The following ERG variants were observed in gnomAD, a reference collection of about 807,000 sequenced individuals.
ERG encodes the protein transcriptional regulator ERG.
A neutral mutation model predicts 55.3 loss-of-function variants in ERG; 9 were observed. That is an observed-to-expected ratio of 0.16 (90% CI 0.10 to 0.28). The LOEUF (loss-of-function observed/expected upper bound fraction) is 0.28, where lower values mean the gene tolerates loss of function less well. Among genes scored for constraint, ERG ranks in the 10% least tolerant of loss-of-function variants. The pLI is 1.00. For synonymous variants in ERG, 223 were observed against 237.3 expected (o/e 0.94, Z 0.55); for missense variants, 434 against 631.6 (o/e 0.69, Z 3.35).
chr21:38,525,110 G>A (rs895316183), intron 2 of ERG, among the ~76,000 whole-genome samples: 2 of 152,130 alleles, frequency 1.3e-5, no homozygotes, highest in Non-Finnish European at 2.9e-5. Flanking sequence ...AAAGAGACAA[G>A]AAAATTAATT....
intron 2 of ERG, among the ~76,000 whole-genome samples, chr21:38,555,994 T>C (rs1473745558): frequency 1.3e-5 from 2 of 152,190 alleles, no homozygotes; most frequent in African/African-American, 4.8e-5. Flanking sequence ...TCAAAGATAG[T>C]TACAGGATAT....
chr21:38,526,819 A>C (rs2059633426), intron 2 of ERG, among the ~76,000 whole-genome samples: 1 of 152,206 alleles, frequency 6.6e-6, no homozygotes, highest in Non-Finnish European at 1.5e-5. Context: ...ACCGGTATGA[A>C]GGTATTATTA....
At chr21:38,450,042 CA>C (rs1294658091) in intron 1 of ERG, among the ~76,000 whole-genome samples, 4 of 151,270 alleles carry the variant, frequency 2.6e-5, no homozygotes, top group Admixed American at 2.6e-4. Context: ...TTATGAAAAA[CA>C]AATGGAACAA....
intron 2 of ERG, among the ~76,000 whole-genome samples, chr21:38,436,148 G>A (rs893974799): frequency 2.6e-4 from 39 of 148,444 alleles, no homozygotes; most frequent in African/African-American, 9.3e-4. Context: ...CAGCCTCCGG[G>A]ATTATAGGCA....
At chr21:38,643,150 C>T (rs889551093) in intron 1 of ERG, among the ~76,000 whole-genome samples, 1 of 152,094 alleles carries the variant, frequency 6.6e-6, no homozygotes, top group African/African-American at 2.4e-5. Flanking sequence ...GACTAAATCC[C>T]GAATATGTAA....
exon 2 of ERG, chr21:38,575,730 C>A: frequency 6.2e-7 from 1 of 1,613,838 alleles, no homozygotes; most frequent in Non-Finnish European, 8.5e-7. Flanking sequence ...CATCTACCAG[C>A]TGTTCAGAAC....
intron 2 of ERG, among the ~76,000 whole-genome samples, chr21:38,559,244 C>T (rs1307996309): frequency 6.6e-6 from 1 of 152,058 alleles, no homozygotes; most frequent in Non-Finnish European, 1.5e-5. Context: ...CTGTCAGAAG[C>T]AGGAGGTTGG....
intron 1 of ERG, among the ~76,000 whole-genome samples, chr21:38,640,308 T>C (rs2060416168): frequency 6.6e-6 from 1 of 152,156 alleles, no homozygotes; most frequent in Non-Finnish European, 1.5e-5. Context: ...TTAACCAACA[T>C]TATGATTTAC....
intron 1 of ERG, among the ~76,000 whole-genome samples, chr21:38,590,741 A>G (rs904679858): frequency 3.9e-5 from 6 of 152,216 alleles, no homozygotes; most frequent in Non-Finnish European, 8.8e-5. Context: ...AGTTCCCTCC[A>G]TGTGCCAAGC....
chr21:38,651,199 T>A (rs1193791642), intron 1 of ERG, among the ~76,000 whole-genome samples: 1 of 152,216 alleles, frequency 6.6e-6, no homozygotes, highest in African/African-American at 2.4e-5. Context: ...TTCCCTCCAA[T>A]GTAAAAACTG....
At chr21:38,367,373 G>A in the ERG span, among the ~76,000 whole-genome samples, 17 of 152,172 alleles carry the variant, frequency 1.1e-4, no homozygotes, top group Non-Finnish European at 2.5e-4. Context: ...GGTGGCTCAG[G>A]GTCTCTCATG....
At chr21:38,528,379 C>T (rs113660141) in intron 2 of ERG, among the ~76,000 whole-genome samples, 10 of 149,452 alleles carry the variant, frequency 6.7e-5, no homozygotes, top group East Asian at 2.0e-4. Context: ...ATTACTGACA[C>T]GATTCAACCC....
intron 9 of ERG, 96 bp from the exon 10 acceptor site, chr21:38,384,019 C>G: frequency 4.1e-6 from 6 of 1,468,330 alleles, no homozygotes; most frequent in Non-Finnish European, 5.4e-6. Flanking sequence ...TATTGGTGTG[C>G]CGCCCACATT....
rs537972727 is a variant in ERG at position 38,389,134 on chromosome 21, C to T, written c.919+1861G>A. Among the ~76,000 whole-genome samples the T allele has an allele frequency of 5.9e-5, 9 of 152,266 alleles. 1 individual carries two copies. In the East Asian group the frequency reaches 7.7e-4, roughly 13 times the overall value. ...ATCCTTGCTTTCTATTCTCACAGTC[C>T]GCATTTTGTAAGACCTCCTCTTCCC... On this transcript the variant is annotated intron_variant, in intron 9 of 9. Coordinates refer to ENST00000288319, the MANE Select transcript of ERG (RefSeq NM_182918.4).
chr21:38,648,451 A>G (rs1262489949), intron 1 of ERG, among the ~76,000 whole-genome samples: 1 of 152,238 alleles, frequency 6.6e-6, no homozygotes, highest in Non-Finnish European at 1.5e-5. Context: ...CAACAATCTG[A>G]AAGGGTAATT....
At chr21:38,516,414 C>T (rs975536380) in intron 2 of ERG, among the ~76,000 whole-genome samples, 17 of 151,240 alleles carry the variant, frequency 1.1e-4, no homozygotes, top group East Asian at 1.9e-4. Context: ...ACCAAGGAAG[C>T]GAAAAATCTC....
intron 3 of ERG, among the ~76,000 whole-genome samples, chr21:38,414,604 A>G (rs769936414): frequency 6.6e-6 from 1 of 152,152 alleles, no homozygotes; most frequent in Non-Finnish European, 1.5e-5. Context: ...AATTATTATC[A>G]TCCATATTTT....
At chr21:38,492,627 T>G (rs1881084035) in intron 1 of ERG, among the ~76,000 whole-genome samples, 1 of 152,196 alleles carries the variant, frequency 6.6e-6, no homozygotes, top group Non-Finnish European at 1.5e-5. Context: ...TCAGTGGGTA[T>G]ACATAAATTA....
At chr21:38,629,258 T>C (rs970792445) in intron 1 of ERG, among the ~76,000 whole-genome samples, 2 of 152,226 alleles carry the variant, frequency 1.3e-5, no homozygotes, top group African/African-American at 4.8e-5. Flanking sequence ...CCATTCTCTC[T>C]GCTCCTAAAC....
Sources: gnomAD v4.1 joint callset for allele counts (sites outside exome capture counted in the v4.1 genomes callset) on GRCh38, gnomAD v4.1.1 for gene constraint, MANE v1.5 for transcripts, NCBI Gene and HGNC (gene_info 2026-07-23, HGNC 2026-07-21) for gene names.